Variants in NDST4 observed in about 807,000 individuals in gnomAD.
The protein encoded by NDST4 is N-deacetylase and N-sulfotransferase 4, also known as N-heparan sulfate sulfotransferase 4.
A neutral mutation model predicts 100.8 loss-of-function variants in NDST4; 63 were observed. That is an observed-to-expected ratio of 0.62 (90% CI 0.51 to 0.77). The LOEUF (loss-of-function observed/expected upper bound fraction) is 0.77, where lower values mean the gene tolerates loss of function less well. Ranked by LOEUF, NDST4 falls within the 30% of genes least tolerant of loss-of-function variation. The probability of loss-of-function intolerance (pLI) is 0.00; values close to 1 mark genes in which losing one functional copy is unlikely to be tolerated. For synonymous variants in NDST4, 377 were observed against 361.8 expected (o/e 1.04, Z -0.48); for missense variants, 943 against 1,018.4 (o/e 0.93, Z 1.01).
intron 4 of NDST4, among the ~76,000 whole-genome samples, chr4:114,963,659 C>T (rs1378335738): frequency 2.0e-5 from 3 of 151,910 alleles, no homozygotes; most frequent in Non-Finnish European, 4.4e-5. Context: ...AGTGGTAAGA[C>T]GTCAAATTAG....
rs774428325 is a variant in NDST4 at position 114,977,206 on chromosome 4, T to G, written c.1047A>C (p.Ser349=). 5.6e-6 allele frequency: 9 copies of G among 1,609,024 alleles called. No individual in the cohort carries two copies. Among genetic ancestry groups the G allele is most frequent in the Non-Finnish European group, 7.6e-6 (9 of 1,176,832 alleles). Residue 349 remains serine, a synonymous_variant, in exon 3 of 14, where the codon TCA becomes TCC. Coordinates refer to ENST00000264363, the MANE Select transcript of NDST4 (RefSeq NM_022569.3). ...VANFTFNLGF[S]GKFYHTGTEE... ...TCTTACCTGTGTGGTAAAACTTCCC[T>G]GAAAATCCAAGGTTGAAGGTAAAAT...
At chr4:115,041,827 C>T (rs1250165130) in intron 2 of NDST4, among the ~76,000 whole-genome samples, 5 of 151,998 alleles carry the variant, frequency 3.3e-5, no homozygotes, top group Non-Finnish European at 4.4e-5. Context: ...CTATATCCCT[C>T]AGATATTTAT....
chr4:114,890,884 A>C (rs980758085), intron 6 of NDST4, among the ~76,000 whole-genome samples: 8 of 152,072 alleles, frequency 5.3e-5, no homozygotes, highest in Middle Eastern at 3.2e-3. Context: ...AAATTCACTT[A>C]TGCCCTGGAG....
intron 2 of NDST4, among the ~76,000 whole-genome samples, chr4:115,048,797 C>A (rs1728519517): frequency 6.6e-6 from 1 of 151,826 alleles, no homozygotes; most frequent in Non-Finnish European, 1.5e-5. Flanking sequence ...GCCACTGCAC[C>A]CGGCTAATTT....
intron 6 of NDST4, among the ~76,000 whole-genome samples, chr4:114,932,055 A>G (rs957622968): frequency 7.2e-5 from 11 of 151,940 alleles, no homozygotes; most frequent in Non-Finnish European, 1.5e-5. Flanking sequence ...AGAAAATTAC[A>G]GGGTAATATT....
chr4:115,076,691 C>A lies in NDST4; in HGVS notation c.346G>T (p.Asp116Tyr), dbSNP rs145767700. ...YHMVIAPGKG[D>Y]IPPLTDNGKG... Reference sequence around the variant, plus strand: ...CCATTATCTGTAAGAGGAGGTATATCTCCCTTTCCAGGGGCAATAACCATG... The same window carrying A: ...CCATTATCTGTAAGAGGAGGTATATATCCCTTTCCAGGGGCAATAACCATG... Residue 116 changes from aspartate (D) to tyrosine (Y), a missense_variant, in exon 2 of 14, where the codon GAT (aspartate) becomes TAT (tyrosine). Transcript: ENST00000264363. The A allele has an allele frequency of 1.6e-4, 252 of 1,613,772 alleles. 1 individual carries two copies. The highest frequency in any genetic ancestry group is 2.0e-4 in the Non-Finnish European group (239 of 1,179,914).
chr4:114,860,075 T>C (rs1560782694), intron 7 of NDST4, among the ~76,000 whole-genome samples: 1 of 152,218 alleles, frequency 6.6e-6, no homozygotes, highest in Non-Finnish European at 1.5e-5. Flanking sequence ...AACCATATTA[T>C]GTTAGAATTT....
In NDST4 at chr4:114,833,723, G is replaced by C. The variant is rs781699564; in HGVS notation, c.2287-8C>G. 31 of 1,559,604 alleles carry C rather than the reference G, an allele frequency of 2.0e-5. No individual in the cohort carries two copies. Among genetic ancestry groups the C allele is most frequent in the Non-Finnish European group, 2.5e-5 (28 of 1,137,206 alleles). On this transcript the variant is annotated splice_region_variant and splice_polypyrimidine_tract_variant and intron_variant, in intron 11 of 13. Transcript: ENST00000264363. The stretch of plus-strand genomic sequence containing the variant: ...TCCATCAATAATTAGCAACTGTAAA[G>C]TCAGAAATAGTCACTTTATGAAGAA...
At chr4:115,028,534 C>A in intron 2 of NDST4, among the ~76,000 whole-genome samples, 1 of 150,468 alleles carries the variant, frequency 6.6e-6, no homozygotes, top group South Asian at 2.1e-4. Context: ...AACAAAATTC[C>A]TGGAGAAGAA....
At chr4:115,037,041 A>G (rs1034855437) in intron 2 of NDST4, among the ~76,000 whole-genome samples, 4 of 152,044 alleles carry the variant, frequency 2.6e-5, no homozygotes, top group Non-Finnish European at 5.9e-5. Context: ...AGAGAAGGAA[A>G]CAGAAATAAT....
chr4:115,098,958 T>C (rs75296978), intron 1 of NDST4, among the ~76,000 whole-genome samples: 2,735 of 152,280 alleles, frequency 0.018, 90 homozygotes, highest in African/African-American at 0.063. Context: ...TCCTTCCACA[T>C]TGGCGTCCCA....
At chr4:115,103,570 T>C (rs376689724) in intron 1 of NDST4, among the ~76,000 whole-genome samples, 36 of 152,274 alleles carry the variant, frequency 2.4e-4, no homozygotes, top group Non-Finnish European at 4.6e-4. Context: ...CCACCTTTTA[T>C]TTACTTCAGA....
chr4:115,057,556 T>G (rs993841032), intron 2 of NDST4, among the ~76,000 whole-genome samples: 2 of 152,252 alleles, frequency 1.3e-5, no homozygotes, highest in South Asian at 4.1e-4. Context: ...TTGGTTATAT[T>G]TCTGTATTAT....
chr4:115,108,204 A>G (rs2110346716), intron 1 of NDST4, among the ~76,000 whole-genome samples: 1 of 152,210 alleles, frequency 6.6e-6, no homozygotes, highest in Non-Finnish European at 1.5e-5. Flanking sequence ...GCATCTCTGC[A>G]TCTGTTACCT....
chr4:114,964,643 ATTT>A (rs1409312869), intron 4 of NDST4, among the ~76,000 whole-genome samples: 3 of 152,096 alleles, frequency 2.0e-5, no homozygotes, highest in East Asian at 1.9e-4. Flanking sequence ...TTTCTGACAA[ATTT>A]TTAAGTACAC....
intron 2 of NDST4, among the ~76,000 whole-genome samples, chr4:115,043,727 A>C (rs1728402650): frequency 6.6e-6 from 1 of 152,146 alleles, no homozygotes; most frequent in Admixed American, 6.6e-5. Flanking sequence ...TAATACTCAA[A>C]TTGAAACTTA....
At chr4:115,060,882 T>C (rs1728804928) in intron 2 of NDST4, among the ~76,000 whole-genome samples, 1 of 152,050 alleles carries the variant, frequency 6.6e-6, no homozygotes, top group Non-Finnish European at 1.5e-5. Context: ...GAGCTAATTT[T>C]CTTCTTTCAA....
chr4:115,087,033 A>C (rs1729421947), intron 1 of NDST4, among the ~76,000 whole-genome samples: 1 of 152,002 alleles, frequency 6.6e-6, no homozygotes, highest in Non-Finnish European at 1.5e-5. Context: ...CCCTTATACT[A>C]CTAAAATAAT....
intron 4 of NDST4, among the ~76,000 whole-genome samples, chr4:114,956,710 A>G (rs754917779): frequency 3.3e-5 from 5 of 152,150 alleles, no homozygotes; most frequent in African/African-American, 4.8e-5. Flanking sequence ...AAGAGTGACT[A>G]TGTTCCCTAT....
Sources: gnomAD v4.1 joint callset for allele counts (sites outside exome capture counted in the v4.1 genomes callset) on GRCh38, gnomAD v4.1.1 for gene constraint, MANE v1.5 for transcripts, NCBI Gene and HGNC (gene_info 2026-07-23, HGNC 2026-07-21) for gene names.